Variants in CACNA2D1 observed in about 807,000 individuals in gnomAD.
CACNA2D1 encodes calcium voltage-gated channel auxiliary subunit alpha2delta 1, also known as voltage-dependent calcium channel subunit alpha-2/delta-1.
CACNA2D1 carries 53 observed loss-of-function variants against 171.5 expected under a neutral mutation model. The observed-to-expected ratio is 0.31, with a 90% CI of 0.25 to 0.39. The LOEUF is 0.39. Ranked by LOEUF, CACNA2D1 falls within the 10% of genes least tolerant of loss-of-function variation. The pLI, the probability that CACNA2D1 is intolerant of heterozygous loss-of-function variation, is 1.00. For synonymous variants in CACNA2D1, 442 were observed against 443.1 expected, an observed-to-expected ratio of 1.00 and a Z score of 0.03; for missense variants, 903 against 1,299.8, an observed-to-expected ratio of 0.69 and a Z score of 4.69.
intron 3 of CACNA2D1, among the ~76,000 whole-genome samples, chr7:82,324,906 C>T (rs1816454375): frequency 6.6e-6 from 1 of 152,106 alleles, no homozygotes; most frequent in South Asian, 2.1e-4. Context: ...TGCCAAGGTG[C>T]GTGGACAAAT....
intron 3 of CACNA2D1, among the ~76,000 whole-genome samples, chr7:82,222,948 C>G (rs1801952522): frequency 7.3e-6 from 1 of 137,682 alleles, no homozygotes; most frequent in Non-Finnish European, 1.6e-5. Flanking sequence ...TAGTTTCACT[C>G]TATTGCCCAG....
intron 1 of CACNA2D1, among the ~76,000 whole-genome samples, chr7:82,403,827 A>G (rs899775548): frequency 6.6e-6 from 1 of 152,194 alleles, no homozygotes; most frequent in Non-Finnish European, 1.5e-5. Context: ...TCCACTACGT[A>G]GCAGGATGAA....
At chr7:82,173,362 T>C (rs1307012652) in intron 3 of CACNA2D1, among the ~76,000 whole-genome samples, 1 of 152,082 alleles carries the variant, frequency 6.6e-6, no homozygotes, top group Non-Finnish European at 1.5e-5. Context: ...CATGAAGTTA[T>C]GTATACCAAA....
intron 3 of CACNA2D1, among the ~76,000 whole-genome samples, chr7:82,287,102 T>C (rs1318397454): frequency 6.6e-6 from 1 of 152,202 alleles, no homozygotes; most frequent in Non-Finnish European, 1.5e-5. Flanking sequence ...ATCATATATG[T>C]CTCCAACCAA....
chr7:82,092,195 CT>C (rs1245425090), intron 6 of CACNA2D1, among the ~76,000 whole-genome samples: 2 of 152,156 alleles, frequency 1.3e-5, no homozygotes, highest in African/African-American at 4.8e-5. Flanking sequence ...AATATTCCTT[CT>C]GCTTAATCTC....
chr7:82,348,205 T>C (rs1349887178), intron 2 of CACNA2D1, among the ~76,000 whole-genome samples: 1 of 151,970 alleles, frequency 6.6e-6, no homozygotes, highest in Non-Finnish European at 1.5e-5. Context: ...TAAATGAAAA[T>C]TAACAAAGAA....
intron 1 of CACNA2D1, among the ~76,000 whole-genome samples, chr7:82,420,288 T>C (rs1318572289): frequency 1.3e-5 from 2 of 152,190 alleles, no homozygotes; most frequent in African/African-American, 4.8e-5. Flanking sequence ...AATAAAATAG[T>C]CTAACATTCA....
chr7:82,272,286 G>A (rs573185786), intron 3 of CACNA2D1, among the ~76,000 whole-genome samples: 15 of 152,172 alleles, frequency 9.9e-5, no homozygotes, highest in East Asian at 1.9e-4. Context: ...GTCCAGTGGC[G>A]GCATCAGTCA....
rs1795608348 is a variant in CACNA2D1 at position 81,974,393 on chromosome 7, T to A, written c.2053+62A>T. On this transcript the variant is annotated intron_variant, in intron 25 of 38. Coordinates refer to ENST00000356860, the MANE Select transcript of CACNA2D1 (RefSeq NM_000722.4). ...AAAGTAATATGATTATCGTATCCTA[T>A]GATATACTATAAACCAATAGAACCA... The A allele has an allele frequency of 4.9e-6, 4 of 812,618 alleles. No individual in the cohort carries two copies. In the Admixed American group the frequency reaches 7.5e-5, roughly 15 times the overall value. The allele number at this position is 812,618 out of a possible 1,614,324, so 50.3% of individuals were successfully genotyped here.
intron 3 of CACNA2D1, among the ~76,000 whole-genome samples, chr7:82,231,813 G>A (rs1443895039): frequency 6.6e-6 from 1 of 152,050 alleles, no homozygotes; most frequent in African/African-American, 2.4e-5. Flanking sequence ...TAAAGTCTTT[G>A]TTCAAATGCA....
intron 38 of CACNA2D1, among the ~76,000 whole-genome samples, chr7:81,952,418 G>GA (rs1388952689): frequency 1.3e-5 from 2 of 151,922 alleles, no homozygotes; most frequent in East Asian, 1.9e-4. Context: ...ATTTTGTTAA[G>GA]AAGAAAGAAA....
chr7:82,122,596 G>A (rs1348259287), intron 5 of CACNA2D1, among the ~76,000 whole-genome samples: 1 of 151,972 alleles, frequency 6.6e-6, no homozygotes. Context: ...CATCAGAAAG[G>A]GATGTAATAC....
rs773785662 is a variant in CACNA2D1, at chr7:81,969,894, A to G, written c.2295T>C (p.Ala765=). The change falls in exon 28 of 39, where the codon GCT becomes GCC. Residue 765 remains alanine, a synonymous_variant. Transcript: ENST00000356860. ...SLDNDNYVFT[A]PYFNKSGPGA... is the part of the protein sequence containing the mutation. Reference sequence around the variant, plus strand: ...AGCAATACTTACTGTTAAAGTAGGGAGCAGTGAAAACATAGTTATCATTAT... The same window carrying G: ...AGCAATACTTACTGTTAAAGTAGGGGGCAGTGAAAACATAGTTATCATTAT... 1.9e-6 allele frequency: 3 copies of G among 1,579,418 alleles called. No individual in the cohort carries two copies. Among genetic ancestry groups the G allele is most frequent in the South Asian group, 2.2e-5 (2 of 90,378 alleles).
At chr7:82,172,835 G>C (rs985700185) in intron 3 of CACNA2D1, among the ~76,000 whole-genome samples, 21 of 137,306 alleles carry the variant, frequency 1.5e-4, no homozygotes, top group Admixed American at 9.2e-4. Context: ...TTACATGTAT[G>C]GGCAAAAAAA....
At chr7:82,314,822 A>G (rs73376138) in intron 3 of CACNA2D1, among the ~76,000 whole-genome samples, 2,043 of 152,236 alleles carry the variant, frequency 0.013, 57 homozygotes, top group African/African-American at 0.047. Flanking sequence ...CATTATGCCA[A>G]TGAAAATGTG....
At chr7:81,994,219 G>T (rs2130770918) in intron 20 of CACNA2D1, among the ~76,000 whole-genome samples, 1 of 152,174 alleles carries the variant, frequency 6.6e-6, no homozygotes. Flanking sequence ...ATGTATAAAT[G>T]TCTGTATGTA....
chr7:81,986,876 A>T (rs1261032801), intron 21 of CACNA2D1, among the ~76,000 whole-genome samples: 1 of 152,184 alleles, frequency 6.6e-6, no homozygotes, highest in Non-Finnish European at 1.5e-5. Flanking sequence ...CAGCAGAATT[A>T]CTGAGCACTG....
intron 1 of CACNA2D1, among the ~76,000 whole-genome samples, chr7:82,385,981 TATG>T (rs1249164887): frequency 6.6e-6 from 1 of 152,136 alleles, no homozygotes; most frequent in Non-Finnish European, 1.5e-5. Context: ...TATTATATAA[TATG>T]AGCTACATTC....
chr7:82,339,664 C>G (rs1818380695), intron 2 of CACNA2D1, among the ~76,000 whole-genome samples: 1 of 152,090 alleles, frequency 6.6e-6, no homozygotes, highest in Non-Finnish European at 1.5e-5. Flanking sequence ...CACAAGATGA[C>G]AGTTGGATGA....
Sources: allele counts gnomAD v4.1 joint callset (sites outside exome capture counted in the v4.1 genomes callset), GRCh38; gene constraint gnomAD v4.1.1; transcripts MANE v1.5; gene names NCBI Gene and HGNC (gene_info 2026-07-23, HGNC 2026-07-21).